The following PRIM2 variants were observed in gnomAD, a reference collection of about 807,000 sequenced individuals.
PRIM2 encodes DNA primase large subunit.
PRIM2 carries 39 observed loss-of-function variants against 67.3 expected under a neutral mutation model. That is an observed-to-expected ratio of 0.58 (90% CI 0.45 to 0.76). The LOEUF (loss-of-function observed/expected upper bound fraction) is 0.76, where lower values mean the gene tolerates loss of function less well. Among genes scored for constraint, PRIM2 ranks in the 30% least tolerant of loss-of-function variants. The pLI, the probability that PRIM2 is intolerant of heterozygous loss-of-function variation, is 0.00. For missense variants in PRIM2, 398 were observed against 598.7 expected, an observed-to-expected ratio of 0.66 and a Z score of 3.50; for synonymous variants, 143 against 198.7, an observed-to-expected ratio of 0.72 and a Z score of 2.36.
the PRIM2 span, among the ~76,000 whole-genome samples, chr6:57,297,995 G>A: frequency 2.6e-5 from 4 of 152,150 alleles, no homozygotes; most frequent in East Asian, 1.9e-4. Flanking sequence ...GCTGAAGGTC[G>A]ATAGGTAATT....
At chr6:57,269,990 A>G in the PRIM2 span, among the ~76,000 whole-genome samples, 1 of 152,084 alleles carries the variant, frequency 6.6e-6, no homozygotes, top group African/African-American at 2.4e-5. Context: ...ATTGGTCTAT[A>G]TATCTGTTTT....
intron 10 of PRIM2, among the ~76,000 whole-genome samples, chr6:57,598,460 C>A (rs1776406791): frequency 6.6e-6 from 1 of 152,102 alleles, no homozygotes; most frequent in African/African-American, 2.4e-5. Flanking sequence ...AGATTTTTGT[C>A]CAAGATTCCA....
the PRIM2 span, among the ~76,000 whole-genome samples, chr6:57,297,269 C>T: frequency 2.0e-5 from 3 of 152,044 alleles, no homozygotes; most frequent in Non-Finnish European, 4.4e-5. Flanking sequence ...TGGCGAAACC[C>T]TGCCTCCACT....
intron 5 of PRIM2, among the ~76,000 whole-genome samples, chr6:57,374,053 A>G (rs7774563): frequency 0.093 from 14,117 of 151,930 alleles, 1,515 homozygotes; most frequent in African/African-American, 0.26. Flanking sequence ...GGACATTTTC[A>G]TGATACTGAT....
chr6:57,229,388 CAT>C, the PRIM2 span, among the ~76,000 whole-genome samples: 7 of 152,250 alleles, frequency 4.6e-5, no homozygotes, highest in East Asian at 5.8e-4. Flanking sequence ...AAATTTTCCA[CAT>C]GTTCTCTGTT....
Position 57,641,043 on chromosome 6 carries a change from A to G in PRIM2, c.1300-4885A>G, listed in dbSNP as rs1212014501. ...ATGGTACTGGTACCAAAACAGATAT[A>G]TAGACCAATGGAACAGAACAGAGGC... On this transcript the variant is annotated intron_variant, in intron 13 of 13. Transcript: ENST00000615550. Among the ~76,000 whole-genome samples, 5 of 152,258 alleles carry G rather than the reference A, an allele frequency of 3.3e-5. No individual in the cohort carries two copies. The South Asian group carries it at 6.2e-4, about 19-fold the overall frequency.
At chr6:57,389,126 C>G (rs1409963692) in intron 7 of PRIM2, among the ~76,000 whole-genome samples, 4 of 152,034 alleles carry the variant, frequency 2.6e-5, no homozygotes, top group African/African-American at 9.7e-5. Context: ...TATTTTTAGA[C>G]AGGGTCTCTA....
At chr6:57,409,192 T>C (rs76053583) in intron 7 of PRIM2, among the ~76,000 whole-genome samples, 4 of 152,080 alleles carry the variant, frequency 2.6e-5, no homozygotes, top group Middle Eastern at 3.4e-3. Context: ...TTTTTTTTTT[T>C]CGAGATGGAG....
chr6:57,484,721 C>G (rs1300970705), intron 7 of PRIM2, among the ~76,000 whole-genome samples: 1 of 152,076 alleles, frequency 6.6e-6, no homozygotes, highest in Non-Finnish European at 1.5e-5. Flanking sequence ...TTTTCTTCAT[C>G]CTTCAGTATT....
At chr6:57,618,894 C>A (rs1299283169) in intron 12 of PRIM2, among the ~76,000 whole-genome samples, 1 of 152,064 alleles carries the variant, frequency 6.6e-6, no homozygotes, top group African/African-American at 2.4e-5. Context: ...AGGGCCCCAC[C>A]CACTGCCGAT....
At chr6:57,237,374 A>C in the PRIM2 span, among the ~76,000 whole-genome samples, 2 of 151,820 alleles carry the variant, frequency 1.3e-5, no homozygotes, top group African/African-American at 4.8e-5. Context: ...TTGCCTGTTC[A>C]CTCTGATGGT....
chr6:57,230,705 C>T, the PRIM2 span, among the ~76,000 whole-genome samples: 1 of 152,188 alleles, frequency 6.6e-6, no homozygotes, highest in Non-Finnish European at 1.5e-5. Context: ...CAGAGGCTTG[C>T]ACAGTTTGGA....
rs1202535004 is a variant in PRIM2, at chr6:57,454,596, T to C, written c.694-52791T>C. Among the ~76,000 whole-genome samples, 535 of 152,320 alleles carry C rather than the reference T, an allele frequency of 3.5e-3. 3 individuals carry two copies. Among genetic ancestry groups the C allele is most frequent in the Non-Finnish European group, 4.4e-3 (300 of 68,016 alleles). On this transcript the variant is annotated intron_variant, in intron 7 of 13. Coordinates refer to ENST00000615550, the MANE Select transcript of PRIM2 (RefSeq NM_000947.5). ...TAGAGGTGATTATAGTATTCTCTGA[T>C]GGTAGTTTGTATTTCTGTGGGATTG...
chr6:57,334,724 G>A (rs111433438), intron 5 of PRIM2, among the ~76,000 whole-genome samples: 99 of 152,228 alleles, frequency 6.5e-4, no homozygotes, highest in Middle Eastern at 3.4e-3. Context: ...GAGGTAGTGC[G>A]TATAGAGTGC....
At chr6:57,501,078 C>T (rs1467995655) in intron 7 of PRIM2, among the ~76,000 whole-genome samples, 3 of 152,156 alleles carry the variant, frequency 2.0e-5, no homozygotes, top group Non-Finnish European at 4.4e-5. Context: ...TTGCTTCCTA[C>T]CCCACTTGTT....
At chr6:57,256,748 A>T in the PRIM2 span, among the ~76,000 whole-genome samples, 1 of 149,762 alleles carries the variant, frequency 6.7e-6, no homozygotes. Flanking sequence ...ACACACATAC[A>T]CTCTTACATC....
intron 12 of PRIM2, among the ~76,000 whole-genome samples, chr6:57,614,723 G>A (rs1426521874): frequency 6.6e-6 from 1 of 152,356 alleles, no homozygotes; most frequent in South Asian, 2.1e-4. Flanking sequence ...GCTAGCGGGC[G>A]CCTGTAGTCC....
intron 13 of PRIM2, 40 bp from the exon 14 acceptor site, chr6:57,645,888 T>C (rs1777325985): frequency 2.7e-6 from 3 of 1,123,864 alleles, no homozygotes; most frequent in Non-Finnish European, 2.6e-6. Flanking sequence ...TTTATAGCTT[T>C]GCCATGCATT....
intron 7 of PRIM2, among the ~76,000 whole-genome samples, chr6:57,385,936 CTTT>C (rs201876520): frequency 7.1e-6 from 1 of 141,170 alleles, no homozygotes. Context: ...CTTTTGTTTT[CTTT>C]TTTTTTTTTT....
Sources: gnomAD v4.1 joint callset for allele counts (sites outside exome capture counted in the v4.1 genomes callset) on GRCh38, gnomAD v4.1.1 for gene constraint, MANE v1.5 for transcripts, NCBI Gene and HGNC (gene_info 2026-07-23, HGNC 2026-07-21) for gene names.